Variants in DUS4L observed in about 807,000 individuals in gnomAD.
DUS4L encodes dihydrouridine synthase 4 like, also known as tRNA-dihydrouridine(20a/20b) synthase [NAD(P)+]-like.
DUS4L carries 31 observed loss-of-function variants against 33.8 expected under a neutral mutation model. That is an observed-to-expected ratio of 0.92 (90% CI 0.69 to 1.24). The LOEUF (loss-of-function observed/expected upper bound fraction) is 1.24. Among genes scored for constraint, DUS4L ranks in the 50% most tolerant of loss-of-function variants. The probability of loss-of-function intolerance (pLI) is 0.00; values close to 1 mark genes in which losing one functional copy is unlikely to be tolerated. For synonymous variants in DUS4L, 103 were observed against 120.3 expected, an observed-to-expected ratio of 0.86 and a Z score of 0.94; for missense variants, 368 against 388.6, an observed-to-expected ratio of 0.95 and a Z score of 0.45.
chr7:107,567,158 G>A lies in DUS4L; in HGVS notation c.88G>A (p.Val30Ile). The part of the protein sequence containing the change: ...EMFHSGQLVK[V>I]CAPMVRYSKL... Reference sequence around the variant, plus strand: ...GTTTCATTCTGGACAGCTGGTAAAAGTCTGTGCCCCAATGGTTCGATATTC... The same window carrying A: ...GTTTCATTCTGGACAGCTGGTAAAAATCTGTGCCCCAATGGTTCGATATTC... The change falls in exon 3 of 8, where the codon GTC becomes ATC. Residue 30 changes from valine (V) to isoleucine (I), a missense_variant. Transcript: ENST00000265720. The A allele has an allele frequency of 6.2e-7, 1 of 1,613,458 alleles. No individual in the cohort carries two copies. The highest frequency in any genetic ancestry group is 8.5e-7 in the Non-Finnish European group (1 of 1,179,626).
chr7:107,577,150 AAATT>A (rs1322285954), intron 7 of DUS4L, 159 bp from the exon 8 acceptor site: 24 of 1,005,332 alleles, frequency 2.4e-5, no homozygotes, highest in East Asian at 7.9e-5. Flanking sequence ...AAAGGTACCA[AAATT>A]AATTCTTTTG....
At chr7:107,568,330 C>T (rs1804899617) in intron 3 of DUS4L, among the ~76,000 whole-genome samples, 2 of 152,236 alleles carry the variant, frequency 1.3e-5, no homozygotes, top group African/African-American at 4.8e-5. Context: ...AATTTCTCCA[C>T]ATCCTCATCA....
At chr7:107,565,860 G>A (rs1804624943) in intron 2 of DUS4L, among the ~76,000 whole-genome samples, 1 of 152,094 alleles carries the variant, frequency 6.6e-6, no homozygotes, top group South Asian at 2.1e-4. Flanking sequence ...TAAATATTGA[G>A]GCCTTCTGTA....
At position 107,576,499 on chromosome 7, in the gene DUS4L, A is replaced by C. The variant is rs758343391; in HGVS notation, c.613A>C (p.Ile205Leu). The change falls in exon 7 of 8, where the codon ATT becomes CTT. Residue 205 changes from isoleucine to leucine, a missense_variant. By Grantham distance (5) the Ile-to-Leu change is conservative (BLOSUM62 2). Transcript: ENST00000265720. The stretch of plus-strand genomic sequence containing the variant: ...AGTGCACTATGATTCCATTAAAATA[A>C]TTAAGGAAAATATGTCTATACCTGT... ...QPVHYDSIKI[I>L]KENMSIPVIA... is the part of the protein sequence containing the mutation. 2.2e-5 allele frequency: 36 copies of C among 1,610,228 alleles called. No individual in the cohort carries two copies. In the Admixed American group the frequency reaches 6.1e-4, roughly 27 times the overall value.
At chr7:107,571,420 G>A (rs1805222949) in intron 4 of DUS4L, among the ~76,000 whole-genome samples, 154 bp downstream of exon 4, 1 of 152,176 alleles carries the variant, frequency 6.6e-6, no homozygotes, top group Admixed American at 6.5e-5. Flanking sequence ...TGTTATTACT[G>A]AATGCCTTGC....
intron 6 of DUS4L, 129 bp downstream of exon 6, chr7:107,575,439 G>A (rs2129197320): frequency 9.9e-7 from 1 of 1,009,118 alleles, no homozygotes; most frequent in East Asian, 2.8e-5. Flanking sequence ...TGGAAATGTT[G>A]AAAATAAGAC....
At position 107,573,766 on chromosome 7, in the gene DUS4L, C is replaced by G. The variant is rs768814850; in HGVS notation, c.301C>G (p.Arg101Gly). The G allele has an allele frequency of 2.6e-5, 42 of 1,609,082 alleles. No individual in the cohort carries two copies. Among genetic ancestry groups the G allele is most frequent in the Non-Finnish European group, 3.6e-5 (42 of 1,177,880 alleles). The change falls in exon 5 of 8, where the codon CGT becomes GGT. Residue 101 changes from arginine to glycine, a missense_variant. Transcript: ENST00000265720. The stretch of plus-strand genomic sequence containing the variant: ...TGCAAGACTTTTATCTGATGCTGCT[C>G]GTATAGTCTGTCCTTATGCGAATGG... ...NDARLLSDAA[R>G]IVCPYANGID...
chr7:107,570,724 T>A (rs79140298), intron 3 of DUS4L: 2,378 of 186,370 alleles, frequency 0.013, 60 homozygotes, highest in African/African-American at 0.052. Flanking sequence ...GGAGTAGAAC[T>A]GTCTAAAAGT....
At chr7:107,574,025 G>A (rs1422671353) in intron 5 of DUS4L, 2 of 729,338 alleles carry the variant, frequency 2.7e-6, no homozygotes, top group East Asian at 7.7e-5. Flanking sequence ...CTGAAATGAT[G>A]TATAGACCTT....
chr7:107,571,265 A>G lies in DUS4L; in HGVS notation c.237A>G (p.Gln79=). 1 of 1,608,036 alleles carries G rather than the reference A, an allele frequency of 6.2e-7. No homozygotes were observed. Among genetic ancestry groups the G allele is most frequent in the Non-Finnish European group, 8.5e-7 (1 of 1,178,510 alleles). ...GAGACAGCGAATTTACCACAAATCA[A>G]GGTATGTGAAACCGAGTGTACTGAC... ...KARDSEFTTN[Q]GDCPLIVQFA... The change falls in exon 4 of 8, where the codon CAA becomes CAG. Residue 79 remains glutamine (Q), a splice_region_variant and synonymous_variant. Coordinates refer to ENST00000265720, the MANE Select transcript of DUS4L (RefSeq NM_181581.3).
At chr7:107,575,607 T>C (rs566863456) in intron 6 of DUS4L, 1 of 188,618 alleles carries the variant, frequency 5.3e-6, no homozygotes, top group Admixed American at 6.0e-5. Context: ...TGGTGCCAAG[T>C]GTAGAAAATA....
rs1415951977 is a variant in DUS4L, at chr7:107,578,072, T to C, written c.*512T>C. On this transcript the variant is annotated 3_prime_UTR_variant, in exon 8 of 8. Coordinates refer to ENST00000265720, the MANE Select transcript of DUS4L (RefSeq NM_181581.3). ...AACTTATATTAAAAATTCCATTTGGTTAATGACATTAAATTTGGTACATTT... is the reference window on the plus strand; with the variant it reads ...AACTTATATTAAAAATTCCATTTGGCTAATGACATTAAATTTGGTACATTT... 2.0e-5 allele frequency: 3 copies of C among 152,232 alleles called. No homozygotes were observed. The highest frequency in any genetic ancestry group is 4.4e-5 in the Non-Finnish European group (3 of 68,084). 9.4% of individuals were successfully genotyped at this position (152,232 alleles called of 1,614,324 possible).
At chr7:107,571,335 C>T in intron 4 of DUS4L, 69 bp downstream of exon 4, 2 of 1,535,922 alleles carry the variant, frequency 1.3e-6, no homozygotes, top group African/African-American at 1.4e-5. Flanking sequence ...ACTATCTTAT[C>T]AGAAACAACA....
chr7:107,573,341 A>G (rs1049889192), intron 4 of DUS4L, among the ~76,000 whole-genome samples: 7 of 152,230 alleles, frequency 4.6e-5, no homozygotes, highest in Non-Finnish European at 1.0e-4. Flanking sequence ...GAGGAAAGAA[A>G]GGAACACTAG....
At chr7:107,571,860 A>C (rs1449108212) in intron 4 of DUS4L, among the ~76,000 whole-genome samples, 1 of 152,126 alleles carries the variant, frequency 6.6e-6, no homozygotes, top group Non-Finnish European at 1.5e-5. Flanking sequence ...ATCTTCCTTC[A>C]GTTTCTCCCC....
chr7:107,569,725 GC>G (rs1465914380), intron 3 of DUS4L, among the ~76,000 whole-genome samples: 1 of 152,170 alleles, frequency 6.6e-6, no homozygotes, highest in African/African-American at 2.4e-5. Flanking sequence ...CATGTTTATT[GC>G]TAGCACATAG....
Position 107,577,599 on chromosome 7 carries a change from C to T in DUS4L, c.*39C>T. 1 of 1,578,130 alleles carries T rather than the reference C, an allele frequency of 6.3e-7. No individual in the cohort carries two copies. Among genetic ancestry groups the T allele is most frequent in the Non-Finnish European group, 8.6e-7 (1 of 1,160,754 alleles). ...ATAATTTTAATATATACTTTTAGAC[C>T]CACAGTGAAACCACAGAAGGTCATA... is the stretch of plus-strand genomic sequence containing the variant. On this transcript the variant is annotated 3_prime_UTR_variant, in exon 8 of 8. Coordinates refer to ENST00000265720, the MANE Select transcript of DUS4L (RefSeq NM_181581.3).
At chr7:107,576,233 G>T in intron 6 of DUS4L, 133 bp from the exon 7 acceptor site, 1 of 868,724 alleles carries the variant, frequency 1.2e-6, no homozygotes, top group Non-Finnish European at 1.7e-6. Flanking sequence ...AAACCTTGCT[G>T]ATAATGACAT....
At chr7:107,572,859 T>G (rs188621020) in intron 4 of DUS4L, among the ~76,000 whole-genome samples, 10 of 151,304 alleles carry the variant, frequency 6.6e-5, no homozygotes, top group Admixed American at 2.0e-4. Context: ...AAAAAAAAAT[T>G]AAACATTTAT....
Sources: gnomAD v4.1 joint callset for allele counts (sites outside exome capture counted in the v4.1 genomes callset) on GRCh38, gnomAD v4.1.1 for gene constraint, MANE v1.5 for transcripts, NCBI Gene and HGNC (gene_info 2026-07-23, HGNC 2026-07-21) for gene names.